Variants in ARHGEF17 observed in about 807,000 individuals in gnomAD.
ARHGEF17 encodes Rho guanine nucleotide exchange factor 17.
Under a neutral mutation model 174.0 loss-of-function variants are expected in ARHGEF17, and 80 were observed. That is an observed-to-expected ratio of 0.46 (90% CI 0.38 to 0.55). ARHGEF17 has a LOEUF of 0.55. Among genes scored for constraint, ARHGEF17 ranks in the 20% least tolerant of loss-of-function variants. The pLI, the probability that ARHGEF17 is intolerant of heterozygous loss-of-function variation, is 0.00. For synonymous variants in ARHGEF17, 1,311 were observed against 1,189.1 expected, an observed-to-expected ratio of 1.10 and a Z score of -2.11; for missense variants, 2,886 against 2,839.7, an observed-to-expected ratio of 1.02 and a Z score of -0.37.
chr11:73,362,965 G>A (rs1865772703), intron 14 of ARHGEF17, among the ~76,000 whole-genome samples: 1 of 152,236 alleles, frequency 6.6e-6, no homozygotes, highest in South Asian at 2.1e-4. Flanking sequence ...ATGGGGTGCT[G>A]GTGGAGTGGG....
rs776900546 is a variant in ARHGEF17, at chr11:73,363,477, G to C, written c.5246+22G>C. On this transcript the variant is annotated intron_variant, in intron 15 of 20. Transcript: ENST00000263674. Reference sequence around the variant, plus strand: ...GCTGGTAGGGACAGGGGAGGGACTAGGGACACAGTGCCAGAACTCTGAGCT... The same window carrying C: ...GCTGGTAGGGACAGGGGAGGGACTACGGACACAGTGCCAGAACTCTGAGCT... The C allele has an allele frequency of 3.6e-5, 57 of 1,600,392 alleles. No individual in the cohort carries two copies. The South Asian group carries it at 6.1e-4, about 17-fold the overall frequency.
chr11:73,316,798 T>C (rs1362599900), intron 1 of ARHGEF17, among the ~76,000 whole-genome samples: 1 of 152,210 alleles, frequency 6.6e-6, no homozygotes, highest in Non-Finnish European at 1.5e-5. Context: ...AGTGGCCTGG[T>C]CTGACTTAAG....
intron 1 of ARHGEF17, among the ~76,000 whole-genome samples, chr11:73,326,214 A>G (rs1210492538): frequency 5.9e-5 from 9 of 152,214 alleles, no homozygotes. Context: ...AACTTAGGGC[A>G]GTGGCTGGAA....
intron 3 of ARHGEF17, 77 bp downstream of exon 3, chr11:73,353,089 C>T (rs1865582686): frequency 1.3e-6 from 2 of 1,552,176 alleles, no homozygotes; most frequent in Admixed American, 1.7e-5. Flanking sequence ...ACGGACCCCA[C>T]CCCCACCCAT....
rs1865890500 is a variant in ARHGEF17, at chr11:73,369,172, T to G, written c.*1392T>G. ...CATGGGCCTTCCGACGTCCACACAC[T>G]TGGGAAGAAGGGAGGCCTTGGAGAC... is the stretch of plus-strand genomic sequence containing the variant. On this transcript the variant is annotated 3_prime_UTR_variant, in exon 21 of 21. Transcript: ENST00000263674. 1 of 152,166 alleles carries G rather than the reference T, an allele frequency of 6.6e-6. No homozygotes were observed. Among genetic ancestry groups the G allele is most frequent in the Admixed American group, 6.6e-5 (1 of 15,260 alleles). 9.4% of individuals were successfully genotyped at this position (152,166 alleles called of 1,614,324 possible).
At chr11:73,363,892 C>T (rs1565210742) in intron 16 of ARHGEF17, 59 bp downstream of exon 16, 6 of 1,537,504 alleles carry the variant, frequency 3.9e-6, no homozygotes, top group East Asian at 2.3e-5. Context: ...GTGCAGGCCT[C>T]CTTCTGTTCA....
chr11:73,358,367 A>T (rs1865680177), intron 9 of ARHGEF17, among the ~76,000 whole-genome samples: 1 of 152,036 alleles, frequency 6.6e-6, no homozygotes, highest in Non-Finnish European at 1.5e-5. Flanking sequence ...CTTGGCAAAC[A>T]AGCTCCTTCA....
intron 1 of ARHGEF17, among the ~76,000 whole-genome samples, chr11:73,314,331 C>A (rs1283838616): frequency 1.3e-5 from 2 of 152,210 alleles, no homozygotes; most frequent in South Asian, 4.1e-4. Context: ...GGATGCCCCC[C>A]GCCCCCCAGG....
rs765566202 is a variant in ARHGEF17 at position 73,311,400 on chromosome 11, G to T, written c.2762G>T (p.Gly921Val). The change falls in exon 1 of 21, where the codon GGC (glycine) becomes GTC (valine). Residue 921 changes from glycine (G) to valine (V), a missense_variant. Transcript: ENST00000263674. ...DILSPRLIRRGSKKRPARSSH... is the reference protein window; with the variant it reads ...DILSPRLIRRVSKKRPARSSH... ...CTGTCCCCGAGGCTAATCCGCCGAG[G>T]CTCCAAGAAGCGCCCAGCTCGGAGT... The T allele has an allele frequency of 1.2e-6, 2 of 1,613,302 alleles. No homozygotes were observed. The highest frequency in any genetic ancestry group is 1.7e-6 in the Non-Finnish European group (2 of 1,180,046).
At position 73,356,693 on chromosome 11, in the gene ARHGEF17, C is replaced by T. The variant is rs1323502924; in HGVS notation, c.3841-16C>T. 2 of 1,613,952 alleles carry T rather than the reference C, an allele frequency of 1.2e-6. No homozygotes were observed. Among genetic ancestry groups the T allele is most frequent in the East Asian group, 2.2e-5 (1 of 44,890 alleles). On this transcript the variant is annotated splice_polypyrimidine_tract_variant and intron_variant, in intron 6 of 20. Coordinates refer to ENST00000263674, the MANE Select transcript of ARHGEF17 (RefSeq NM_014786.4). ...ATAACTGGCCTTCGAGATGCCTTGT[C>T]CCTCCTGTCCCACAGCTCCAGGCCC...
chr11:73,332,349 CCGTGTGTGTGTGTGTGTGTG>C (rs1291445126), intron 1 of ARHGEF17, among the ~76,000 whole-genome samples: 13 of 114,260 alleles, frequency 1.1e-4, no homozygotes, highest in African/African-American at 3.8e-4. Context: ...GGCTTTTTCT[CCGTGTGTGTGTGTGTGTGTG>C]TGTGTGTGTG....
chr11:73,363,387 T>G lies in ARHGEF17; in HGVS notation c.5178T>G (p.Leu1726=), dbSNP rs1273416284. The G allele has an allele frequency of 2.5e-6, 4 of 1,613,234 alleles. No homozygotes were observed. The highest frequency in any genetic ancestry group is 3.4e-6 in the Non-Finnish European group (4 of 1,179,888). The part of the protein sequence containing the change: ...SSHGSFTRGS[L]EDLLSVDPEA... ...ACGGCTCCTTCACCCGGGGCAGCCT[T>G]GAGGACCTGCTGAGTGTCGACCCTG... The change falls in exon 15 of 21, where the codon CTT becomes CTG. Residue 1726 remains leucine, a synonymous_variant. Transcript: ENST00000263674.
chr11:73,321,519 C>A, intron 1 of ARHGEF17, among the ~76,000 whole-genome samples: 1 of 152,206 alleles, frequency 6.6e-6, no homozygotes, highest in Non-Finnish European at 1.5e-5. Context: ...CATTGGATCC[C>A]AACTCTGAGC....
At position 73,368,067 on chromosome 11, in the gene ARHGEF17, C is replaced by A; in HGVS notation, c.*287C>A. 2.6e-6 allele frequency: 1 copy of A among 382,982 alleles called. No homozygotes were observed. Among genetic ancestry groups the A allele is most frequent in the Non-Finnish European group, 4.8e-6 (1 of 208,354 alleles). 23.7% of individuals were successfully genotyped at this position (382,982 alleles called of 1,614,324 possible). On this transcript the variant is annotated 3_prime_UTR_variant, in exon 21 of 21. Coordinates refer to ENST00000263674, the MANE Select transcript of ARHGEF17 (RefSeq NM_014786.4). ...GACCCTGGAGCTTCTACCAAAGACACAGCTGGGTCTGGACCCCACGGGGCT... is the reference window on the plus strand; with the variant it reads ...GACCCTGGAGCTTCTACCAAAGACAAAGCTGGGTCTGGACCCCACGGGGCT...
At position 73,309,155 on chromosome 11, in the gene ARHGEF17, C is replaced by A; in HGVS notation, c.517C>A (p.Pro173Thr). ...RESRQPPTPPPRTCFPLAGLR... is the reference protein window; with the variant it reads ...RESRQPPTPPTRTCFPLAGLR... ...GTCGCGGCAGCCACCGACGCCACCCCCTCGGACATGCTTCCCCCTGGCGGG... is the reference window on the plus strand; with the variant it reads ...GTCGCGGCAGCCACCGACGCCACCCACTCGGACATGCTTCCCCCTGGCGGG... The change falls in exon 1 of 21, where the codon CCT becomes ACT. Residue 173 changes from proline (P) to threonine (T), a missense_variant. Around this residue, in one of 4 missense-constraint regions of ARHGEF17, gnomAD observed 1,728 missense variants for 1,461.2 expected, o/e 1.18. Coordinates refer to ENST00000263674, the MANE Select transcript of ARHGEF17 (RefSeq NM_014786.4). 3 of 1,589,048 alleles carry A rather than the reference C, an allele frequency of 1.9e-6. No individual in the cohort carries two copies. The highest frequency in any genetic ancestry group is 2.6e-6 in the Non-Finnish European group (3 of 1,168,924).
intron 1 of ARHGEF17, among the ~76,000 whole-genome samples, chr11:73,340,730 G>T (rs952952118): frequency 2.6e-5 from 4 of 152,338 alleles, no homozygotes; most frequent in African/African-American, 9.6e-5. Context: ...CAAGCAATGA[G>T]CCAGGGATGG....
In ARHGEF17 at chr11:73,346,947, G is replaced by A. The variant is rs201550593; in HGVS notation, c.3257G>A (p.Arg1086His). ...DTEQSYVESL[R>H]TLMQGYMQPL... ...GAGCAGTCGTATGTGGAGTCGCTGC[G>A]CACCCTGATGCAGGTGGGGCTCGGG... is the stretch of plus-strand genomic sequence containing the variant. The change falls in exon 2 of 21, where the codon CGC becomes CAC. Residue 1086 changes from arginine (R) to histidine (H), a missense_variant. Physicochemically the swap from Arg to His is conservative, Grantham distance 29. Coordinates refer to ENST00000263674, the MANE Select transcript of ARHGEF17 (RefSeq NM_014786.4). 88 of 1,581,040 alleles carry A rather than the reference G, an allele frequency of 5.6e-5. No individual in the cohort carries two copies. The highest frequency in any genetic ancestry group is 6.8e-5 in the South Asian group (6 of 88,342).
chr11:73,366,657 C>T (rs374501106), intron 20 of ARHGEF17, among the ~76,000 whole-genome samples: 1 of 152,064 alleles, frequency 6.6e-6, no homozygotes, highest in African/African-American at 2.4e-5. Flanking sequence ...CTCACTTGAG[C>T]CCAGGGAAGT....
rs755822428 is a variant in ARHGEF17, at chr11:73,346,939, G to A, written c.3249G>A (p.Glu1083=). The part of the protein sequence containing the change: ...TLLDTEQSYV[E]SLRTLMQGYM... ...TGGACACAGAGCAGTCGTATGTGGAGTCGCTGCGCACCCTGATGCAGGTGG... is the reference window on the plus strand; with the variant it reads ...TGGACACAGAGCAGTCGTATGTGGAATCGCTGCGCACCCTGATGCAGGTGG... Residue 1083 remains glutamate (E), a synonymous_variant, in exon 2 of 21, where the codon GAG becomes GAA. Transcript: ENST00000263674. The A allele has an allele frequency of 1.9e-6, 3 of 1,574,366 alleles. No individual in the cohort carries two copies. The highest frequency in any genetic ancestry group is 1.7e-6 in the Non-Finnish European group (2 of 1,153,506).
Sources: allele counts gnomAD v4.1 joint callset (sites outside exome capture counted in the v4.1 genomes callset), GRCh38; gene constraint gnomAD v4.1.1; regional missense constraint gnomAD v4.1.1; transcripts MANE v1.5; gene names NCBI Gene and HGNC (gene_info 2026-07-23, HGNC 2026-07-21).